NARF: variants seen among roughly 807,000 people sequenced by gnomAD.
The protein encoded by NARF is nuclear prelamin A recognition factor, also known as iron-only hydrogenase-like protein 2.
NARF carries 41 observed loss-of-function variants against 48.0 expected under a neutral mutation model. That is an observed-to-expected ratio of 0.85 (90% confidence interval 0.66 to 1.11). The LOEUF (loss-of-function observed/expected upper bound fraction) is 1.11. NARF is among the 50% of genes least tolerant of loss of function. The pLI is 0.00. For synonymous variants in NARF, 215 were observed against 225.5 expected (o/e 0.95, Z 0.42); for missense variants, 613 against 590.2 (o/e 1.04, Z -0.40).
intron 2 of NARF, 136 bp from the exon 3 acceptor site, chr17:82,464,151 C>T (rs2043504457): frequency 8.5e-7 from 1 of 1,181,604 alleles, no homozygotes; most frequent in Admixed American, 2.3e-5. Context: ...GCTTCCAGCC[C>T]CTTGAGCACC....
In NARF at chr17:82,481,225, G is replaced by A. The variant is rs186812234; in HGVS notation, c.769+14G>A. The A allele has an allele frequency of 3.7e-5, 60 of 1,613,020 alleles. No homozygotes were observed. In the African/African-American group the frequency reaches 5.1e-4, roughly 14 times the overall value. Reference sequence around the variant, plus strand: ...TGTTAACATCAGGTGAGAGGTGGGCGGGGGTGCACCTGGGCGCTGGGGTAA... The same window carrying A: ...TGTTAACATCAGGTGAGAGGTGGGCAGGGGTGCACCTGGGCGCTGGGGTAA... On this transcript the variant is annotated intron_variant, in intron 7 of 10. Coordinates refer to ENST00000309794, the MANE Select transcript of NARF (RefSeq NM_012336.4).
At chr17:82,466,491 C>A (rs2043571376) in intron 3 of NARF, among the ~76,000 whole-genome samples, 2 of 152,096 alleles carry the variant, frequency 1.3e-5, no homozygotes, top group Non-Finnish European at 2.9e-5. Context: ...CTCTCACTGT[C>A]TCTCAGGCTG....
chr17:82,485,913 G>C (rs1293872796), intron 10 of NARF, among the ~76,000 whole-genome samples: 2 of 152,246 alleles, frequency 1.3e-5, no homozygotes, highest in African/African-American at 4.8e-5. Context: ...ATGGCACCAG[G>C]TGAGAGTCAG....
chr17:82,461,339 T>C (rs984967524), intron 2 of NARF, among the ~76,000 whole-genome samples: 22 of 152,056 alleles, frequency 1.4e-4, no homozygotes, highest in Non-Finnish European at 2.5e-4. Flanking sequence ...CAGCCAGGCA[T>C]GGTGGCTCAC....
rs2043348257 is a variant in NARF at position 82,458,747 on chromosome 17, G to C, written c.-57G>C. 2.7e-6 allele frequency: 4 copies of C among 1,475,266 alleles called. No individual in the cohort carries two copies. Among genetic ancestry groups the C allele is most frequent in the Admixed American group, 2.6e-5 (1 of 37,798 alleles). 91.4% of individuals were successfully genotyped at this position (1,475,266 alleles called of 1,614,324 possible). ...GCGGGCGGCGGGCAGTGGTGTCCCA[G>C]TCTCCCGGTGCTTCCCTGAGGCTGA... On this transcript the variant is annotated 5_prime_UTR_variant, in exon 1 of 11. Transcript: ENST00000309794.
chr17:82,459,091 A>T, intron 1 of NARF: 1 of 1,193,136 alleles, frequency 8.4e-7, no homozygotes, highest in Non-Finnish European at 1.0e-6. Context: ...ACGCACGGAG[A>T]CCGAGCCTCT....
At chr17:82,480,961 G>A in intron 6 of NARF, 121 bp from the exon 7 acceptor site, 1 of 1,097,782 alleles carries the variant, frequency 9.1e-7, no homozygotes, top group Non-Finnish European at 1.3e-6. Flanking sequence ...AGTGCAGCAT[G>A]CAGTGTCTGG....
intron 6 of NARF, 52 bp from the exon 7 acceptor site, chr17:82,481,030 A>G: frequency 1.2e-6 from 2 of 1,611,776 alleles, no homozygotes; most frequent in Non-Finnish European, 1.7e-6. Flanking sequence ...ACCAAGCGTA[A>G]GCTGCCGTCA....
intron 2 of NARF, among the ~76,000 whole-genome samples, chr17:82,461,272 A>G (rs754043009): frequency 4.6e-5 from 7 of 151,424 alleles, no homozygotes; most frequent in East Asian, 3.9e-4. Flanking sequence ...GCTAGTAGCT[A>G]TGGTCTCTGT....
intron 6 of NARF, chr17:82,480,287 G>A (rs1378642172): frequency 6.6e-5 from 25 of 376,066 alleles, no homozygotes; most frequent in African/African-American, 3.2e-4. Flanking sequence ...TAGCCAGCGC[G>A]CGCACACACA....
At chr17:82,470,795 A>AAT (rs1301077261) in intron 4 of NARF, among the ~76,000 whole-genome samples, 6 of 151,874 alleles carry the variant, frequency 4.0e-5, no homozygotes, top group Non-Finnish European at 7.4e-5. Flanking sequence ...TGCCCAGCCT[A>AAT]ATATTTATTA....
At chr17:82,479,031 A>G in intron 6 of NARF, 113 bp downstream of exon 6, 1 of 908,246 alleles carries the variant, frequency 1.1e-6, no homozygotes, top group Non-Finnish European at 1.6e-6. Flanking sequence ...CCCCCAGGTG[A>G]GCAAAAAGGA....
At chr17:82,476,381 A>G (rs1599841611) in intron 5 of NARF, among the ~76,000 whole-genome samples, 1 of 152,220 alleles carries the variant, frequency 6.6e-6, no homozygotes, top group East Asian at 1.9e-4. Context: ...ACCTCAGGTG[A>G]TCCGCCTGCC....
At chr17:82,467,352 C>G (rs1023573986) in intron 3 of NARF, among the ~76,000 whole-genome samples, 1 of 152,158 alleles carries the variant, frequency 6.6e-6, no homozygotes, top group African/African-American at 2.4e-5. Flanking sequence ...TGGCCCTTGA[C>G]TCTTATATCT....
At chr17:82,458,659 C>G (rs1005637481), upstream of NARF, 22 of 1,070,784 alleles carry the variant, frequency 2.1e-5, no homozygotes, top group Non-Finnish European at 2.7e-5. Context: ...TCTCCCGGTG[C>G]TCTCATTGGC....
intron 6 of NARF, chr17:82,480,777 A>C (rs2043944406): frequency 2.0e-6 from 1 of 500,948 alleles, no homozygotes; most frequent in Non-Finnish European, 3.5e-6. Context: ...ACTAAAGTAC[A>C]AAAAATTAGC....
chr17:82,481,785 G>T, intron 7 of NARF: 1 of 431,852 alleles, frequency 2.3e-6, no homozygotes, highest in Non-Finnish European at 4.5e-6. Flanking sequence ...GGGCAGTGTG[G>T]TGGCCCTAAC....
At chr17:82,461,227 C>T (rs1285014158) in intron 2 of NARF, among the ~76,000 whole-genome samples, 2 of 152,214 alleles carry the variant, frequency 1.3e-5, no homozygotes, top group African/African-American at 2.4e-5. Flanking sequence ...CCTGGCCTCT[C>T]TTCTAATTCA....
intron 3 of NARF, among the ~76,000 whole-genome samples, chr17:82,466,427 G>T (rs149400967): frequency 2.6e-5 from 4 of 152,098 alleles, no homozygotes; most frequent in African/African-American, 9.6e-5. Flanking sequence ...ATTTTAGTAC[G>T]GTGTGCGATG....
Sources: allele counts gnomAD v4.1 joint callset (sites outside exome capture counted in the v4.1 genomes callset), GRCh38; gene constraint gnomAD v4.1.1; transcripts MANE v1.5; gene names NCBI Gene and HGNC (gene_info 2026-07-23, HGNC 2026-07-21).